Variants in NFIB observed in about 807,000 individuals in gnomAD.
NFIB encodes nuclear factor I B.
A neutral mutation model predicts 61.5 loss-of-function variants in NFIB; 11 were observed. The ratio of observed to expected loss-of-function variants is 0.18; its 90% CI spans 0.11 to 0.30. NFIB has a LOEUF of 0.30. NFIB is among the 10% of genes least tolerant of loss of function. The pLI, the probability that NFIB is intolerant of heterozygous loss-of-function variation, is 1.00. For synonymous variants in NFIB, 260 were observed against 216.5 expected (o/e 1.20, Z -1.76); for missense variants, 471 against 608.9 (o/e 0.77, Z 2.38).
chr9:14,463,659 C>CTT, the NFIB span, among the ~76,000 whole-genome samples: 52 of 65,796 alleles, frequency 7.9e-4, no homozygotes, highest in Non-Finnish European at 1.3e-3. Flanking sequence ...ATTTGATTTT[C>CTT]TTTTTTTTTT....
chr9:14,444,331 G>A, the NFIB span, among the ~76,000 whole-genome samples: 1 of 152,126 alleles, frequency 6.6e-6, no homozygotes, highest in African/African-American at 2.4e-5. Flanking sequence ...ATTCAACATA[G>A]ATCATCAAAC....
At chr9:14,393,333 C>G (rs951629086) in intron 1 of NFIB, among the ~76,000 whole-genome samples, 1 of 152,204 alleles carries the variant, frequency 6.6e-6, no homozygotes, top group Admixed American at 6.5e-5. Context: ...ACCACAATAT[C>G]TCCATGTCTG....
intron 2 of NFIB, among the ~76,000 whole-genome samples, chr9:14,203,532 G>C (rs79080661): frequency 0.029 from 4,394 of 152,292 alleles, 213 homozygotes; most frequent in African/African-American, 0.097. Flanking sequence ...ACTGCCAAGA[G>C]TGTCTTGGCA....
chr9:14,487,854 C>G, the NFIB span, among the ~76,000 whole-genome samples: 1 of 152,084 alleles, frequency 6.6e-6, no homozygotes, highest in Non-Finnish European at 1.5e-5. Context: ...TCCAGACAGA[C>G]GACGAAGGAT....
intron 3 of NFIB, among the ~76,000 whole-genome samples, chr9:14,177,431 CT>C (rs1387630313): frequency 4.6e-5 from 7 of 152,196 alleles, no homozygotes; most frequent in African/African-American, 1.2e-4. Context: ...ACAAAACAAA[CT>C]CTTAAGCTCA....
chr9:14,176,161 A>T (rs905414146), intron 3 of NFIB, among the ~76,000 whole-genome samples: 1 of 152,122 alleles, frequency 6.6e-6, no homozygotes, highest in African/African-American at 2.4e-5. Flanking sequence ...TAAGTCCCAA[A>T]ATTAATGGTT....
At chr9:14,163,589 AC>A (rs1374145612) in intron 3 of NFIB, among the ~76,000 whole-genome samples, 2 of 152,056 alleles carry the variant, frequency 1.3e-5, no homozygotes, top group East Asian at 3.9e-4. Context: ...TAAATCATAA[AC>A]CCCACATGCA....
chr9:14,500,611 C>T, the NFIB span, among the ~76,000 whole-genome samples: 6 of 152,102 alleles, frequency 3.9e-5, no homozygotes, highest in Non-Finnish European at 8.8e-5. Flanking sequence ...ATTTCATTTA[C>T]TTTAGAATCC....
the NFIB span, among the ~76,000 whole-genome samples, chr9:14,502,075 C>A: frequency 6.6e-6 from 1 of 152,032 alleles, no homozygotes; most frequent in Admixed American, 6.6e-5. Context: ...TACCCAAAAC[C>A]CCTGGGGCCA....
chr9:14,243,165 C>T (rs1294951512), intron 2 of NFIB, among the ~76,000 whole-genome samples: 6 of 152,240 alleles, frequency 3.9e-5, no homozygotes, highest in Non-Finnish European at 5.9e-5. Flanking sequence ...AATGACATTC[C>T]TTCCCTCCCT....
rs144365940 is a variant in NFIB at position 14,135,956 on chromosome 9, C to A, written c.926-10190G>T. 4.8e-3 allele frequency among the ~76,000 whole-genome samples: 734 copies of A among 152,190 alleles called. 5 individuals carry two copies. Among genetic ancestry groups the A allele is most frequent in the African/African-American group, 0.015 (634 of 41,528 alleles). ...TTTCTAATAGTTTAAGTCTCTCTTG[C>A]CATATATTTTAGCCCAAGCACGGTT... On this transcript the variant is annotated intron_variant, in intron 6 of 10. Coordinates refer to ENST00000380953, the MANE Select transcript of NFIB (RefSeq NM_001190737.2).
At chr9:14,166,642 A>G (rs1445815088) in intron 3 of NFIB, among the ~76,000 whole-genome samples, 6 of 152,136 alleles carry the variant, frequency 3.9e-5, no homozygotes, top group African/African-American at 1.2e-4. Flanking sequence ...TTTGTCTTTG[A>G]TCCTACATCC....
chr9:14,480,564 G>C, the NFIB span, among the ~76,000 whole-genome samples: 5 of 152,126 alleles, frequency 3.3e-5, no homozygotes, highest in Non-Finnish European at 7.3e-5. Flanking sequence ...CCAAAACCTT[G>C]TCTTGGGTTA....
chr9:14,084,544 G>A lies in NFIB; in HGVS notation c.*3765C>T, dbSNP rs1306399398. The stretch of plus-strand genomic sequence containing the variant: ...TTTTTTCCTTAGACAAGCCTCAAAT[G>A]CTCACGTCACTCCAGGGGTAACACG... On this transcript the variant is annotated 3_prime_UTR_variant, in exon 11 of 11. Transcript: ENST00000380953. 4.4e-6 allele frequency: 1 copy of A among 226,492 alleles called. No individual in the cohort carries two copies. Among genetic ancestry groups the A allele is most frequent in the Non-Finnish European group, 8.8e-6 (1 of 113,694 alleles). The allele number at this position is 226,492 out of a possible 1,614,324, so 14.0% of individuals were successfully genotyped here.
At chr9:14,276,529 C>T (rs545644717) in intron 2 of NFIB, among the ~76,000 whole-genome samples, 4 of 152,072 alleles carry the variant, frequency 2.6e-5, no homozygotes, top group Admixed American at 1.3e-4. Context: ...AAAGGTACAA[C>T]GCCAAAGGCA....
intron 2 of NFIB, among the ~76,000 whole-genome samples, chr9:14,271,120 T>C (rs2057581712): frequency 6.7e-6 from 1 of 149,490 alleles, no homozygotes. Context: ...CCCAACAAAA[T>C]CTGGCCCAAC....
chr9:14,498,992 G>C, the NFIB span, among the ~76,000 whole-genome samples: 1 of 151,858 alleles, frequency 6.6e-6, no homozygotes, highest in Non-Finnish European at 1.5e-5. Context: ...TGGCAATTGT[G>C]TGTATGTGTG....
At chr9:14,491,603 T>C in the NFIB span, among the ~76,000 whole-genome samples, 2 of 152,214 alleles carry the variant, frequency 1.3e-5, no homozygotes, top group African/African-American at 4.8e-5. Context: ...ATTGTGGCAT[T>C]CTCAAGACAC....
intron 10 of NFIB, among the ~76,000 whole-genome samples, chr9:14,095,866 A>C (rs73641879): frequency 7.2e-5 from 11 of 152,322 alleles, no homozygotes; most frequent in African/African-American, 2.6e-4. Flanking sequence ...CATGGGCAAA[A>C]GATCTTCCTG....
Sources: gnomAD v4.1 joint callset for allele counts (sites outside exome capture counted in the v4.1 genomes callset) on GRCh38, gnomAD v4.1.1 for gene constraint, MANE v1.5 for transcripts, NCBI Gene and HGNC (gene_info 2026-07-23, HGNC 2026-07-21) for gene names.